Variants in CYP4Z1 observed in about 807,000 individuals in gnomAD.
CYP4Z1 encodes the protein cytochrome P450 4Z1.
In CYP4Z1, 41 loss-of-function variants were observed where a neutral mutation model predicts 54.2. The observed-to-expected ratio is 0.76, with a 90% CI of 0.59 to 0.98. CYP4Z1 has a LOEUF of 0.98. CYP4Z1 is among the 50% of genes least tolerant of loss of function. The pLI is 0.00. For synonymous variants in CYP4Z1, 163 were observed against 206.2 expected, an observed-to-expected ratio of 0.79 and a Z score of 1.79; for missense variants, 513 against 599.0, an observed-to-expected ratio of 0.86 and a Z score of 1.50.
At chr1:47,100,395 C>T (rs982826970) in intron 8 of CYP4Z1, among the ~76,000 whole-genome samples, 2 of 152,146 alleles carry the variant, frequency 1.3e-5, no homozygotes, top group Admixed American at 6.6e-5. Flanking sequence ...ATGAAAAATG[C>T]CATAAACAAC....
At chr1:47,084,588 T>C (rs766518348) in intron 4 of CYP4Z1, 32 bp from the exon 5 acceptor site, 7 of 1,525,160 alleles carry the variant, frequency 4.6e-6, no homozygotes, top group Non-Finnish European at 6.2e-6. Context: ...GATGGGCATG[T>C]GTATGATCAT....
the CYP4Z1 span, among the ~76,000 whole-genome samples, chr1:47,061,045 TAACA>T: frequency 6.6e-6 from 1 of 152,050 alleles, no homozygotes; most frequent in East Asian, 1.9e-4. Context: ...GGGACAGAAC[TAACA>T]GTGTTAAGAG....
intron 4 of CYP4Z1, among the ~76,000 whole-genome samples, chr1:47,083,142 T>C (rs955781082): frequency 6.6e-6 from 1 of 151,960 alleles, no homozygotes. Context: ...ATCCCAGGCA[T>C]GGAGTAAAGC....
At chr1:47,099,073 G>A in intron 7 of CYP4Z1, 21 bp from the exon 8 acceptor site, 1 of 1,613,758 alleles carries the variant, frequency 6.2e-7, no homozygotes, top group African/African-American at 1.3e-5. Context: ...TTTGGATAAA[G>A]ATCATCACTG....
At chr1:47,084,278 C>T (rs1217689854) in intron 4 of CYP4Z1, among the ~76,000 whole-genome samples, 1 of 151,942 alleles carries the variant, frequency 6.6e-6, no homozygotes, top group African/African-American at 2.4e-5. Flanking sequence ...TTTATTTATG[C>T]TCTCTACAGA....
chr1:47,088,386 C>G (rs1644613435), intron 6 of CYP4Z1, among the ~76,000 whole-genome samples: 1 of 152,112 alleles, frequency 6.6e-6, no homozygotes, highest in Non-Finnish European at 1.5e-5. Flanking sequence ...TGTTATTGGT[C>G]TATTCAGAGA....
At chr1:47,112,038 G>A (rs1273204160) in intron 9 of CYP4Z1, among the ~76,000 whole-genome samples, 3 of 152,010 alleles carry the variant, frequency 2.0e-5, no homozygotes, top group South Asian at 2.1e-4. Context: ...CATTGACGTC[G>A]AAAACAACTG....
intron 6 of CYP4Z1, 61 bp from the exon 7 acceptor site, chr1:47,094,505 T>C: frequency 8.6e-7 from 1 of 1,168,492 alleles, no homozygotes; most frequent in Admixed American, 2.4e-5. Context: ...GAACTACATT[T>C]GGCTTTGATT....
intron 8 of CYP4Z1, among the ~76,000 whole-genome samples, chr1:47,099,990 A>C (rs4598535): frequency 0.41 from 62,149 of 150,724 alleles, 14,140 homozygotes; most frequent in East Asian, 0.97. Flanking sequence ...AACCCCTTCT[A>C]TTTCTCCAAG....
intron 6 of CYP4Z1, among the ~76,000 whole-genome samples, 183 bp from the exon 7 acceptor site, chr1:47,094,383 G>T (rs1422414809): frequency 6.6e-6 from 1 of 151,108 alleles, no homozygotes; most frequent in African/African-American, 2.5e-5. Flanking sequence ...GTGGCTAAAA[G>T]GTGGGATGGG....
At chr1:47,083,737 T>A (rs1417800806) in intron 4 of CYP4Z1, among the ~76,000 whole-genome samples, 2 of 152,056 alleles carry the variant, frequency 1.3e-5, no homozygotes, top group Non-Finnish European at 2.9e-5. Context: ...TCTCTTCGAG[T>A]CTAAGGCTCC....
At chr1:47,086,606 A>G (rs1470549292) in intron 6 of CYP4Z1, among the ~76,000 whole-genome samples, 2 of 152,138 alleles carry the variant, frequency 1.3e-5, no homozygotes, top group Non-Finnish European at 2.9e-5. Flanking sequence ...CCTTTGTCAG[A>G]TGAGGAGATT....
At chr1:47,112,762 C>T (rs1420360150) in intron 9 of CYP4Z1, among the ~76,000 whole-genome samples, 2 of 151,878 alleles carry the variant, frequency 1.3e-5, no homozygotes, top group Non-Finnish European at 2.9e-5. Flanking sequence ...TAAAACAGTG[C>T]ATCATGGCCA....
the CYP4Z1 span, among the ~76,000 whole-genome samples, chr1:47,057,356 A>G: frequency 2.8e-5 from 3 of 106,022 alleles, no homozygotes; most frequent in Admixed American, 2.0e-4. Flanking sequence ...ATATATATAT[A>G]TATATATATA....
intron 8 of CYP4Z1, among the ~76,000 whole-genome samples, chr1:47,099,536 C>T (rs201210447): frequency 8.2e-4 from 125 of 152,198 alleles, no homozygotes; most frequent in East Asian, 5.8e-3. Flanking sequence ...AGTACAACTG[C>T]GGAAAGAATA....
At chr1:47,104,657 T>C (rs1644744494) in intron 8 of CYP4Z1, among the ~76,000 whole-genome samples, 1 of 152,092 alleles carries the variant, frequency 6.6e-6, no homozygotes, top group South Asian at 2.1e-4. Flanking sequence ...GAGCCCAACC[T>C]CAGACCCCAG....
chr1:47,080,043 C>T (rs192044877), intron 2 of CYP4Z1, among the ~76,000 whole-genome samples: 108 of 151,328 alleles, frequency 7.1e-4, no homozygotes, highest in African/African-American at 2.6e-3. Context: ...ATGTTTTCTC[C>T]CCCATTTTTA....
In CYP4Z1 at chr1:47,096,714, C is replaced by T. The variant is rs1360505250; in HGVS notation, c.876+2045C>T. On this transcript the variant is annotated intron_variant, in intron 7 of 11. Coordinates refer to ENST00000334194, the MANE Select transcript of CYP4Z1 (RefSeq NM_178134.3). Reference sequence around the variant, plus strand: ...CGCGATCTTGGCTCACTGCAAACTCCACCTCCCAGGTTCAAACGATTCTCC... The same window carrying T: ...CGCGATCTTGGCTCACTGCAAACTCTACCTCCCAGGTTCAAACGATTCTCC... The T allele has an allele frequency of 2.6e-5, 4 of 151,502 alleles. 1 individual carries two copies. The highest frequency in any genetic ancestry group is 2.6e-4 in the Admixed American group (4 of 15,200). The allele number at this position is 151,502 out of a possible 1,614,324, so 9.4% of individuals were successfully genotyped here.
chr1:47,094,091 G>T (rs191091175), intron 6 of CYP4Z1, among the ~76,000 whole-genome samples: 13 of 152,094 alleles, frequency 8.5e-5, no homozygotes, highest in Non-Finnish European at 1.6e-4. Context: ...TCTTGTTCCA[G>T]TTCTCAAGGG....
Sources: allele counts gnomAD v4.1 joint callset (sites outside exome capture counted in the v4.1 genomes callset), GRCh38; gene constraint gnomAD v4.1.1; transcripts MANE v1.5; gene names NCBI Gene and HGNC (gene_info 2026-07-23, HGNC 2026-07-21).